The following AOPEP variants were observed in gnomAD, a reference collection of about 807,000 sequenced individuals.
AOPEP encodes aminopeptidase O (putative).
In AOPEP, 77 loss-of-function variants were observed where a neutral mutation model predicts 98.1. The ratio of observed to expected loss-of-function variants is 0.78; its 90% CI spans 0.65 to 0.95. The LOEUF (loss-of-function observed/expected upper bound fraction) is 0.95. Among genes scored for constraint, AOPEP ranks in the 40% least tolerant of loss-of-function variants. AOPEP has a pLI of 0.00. For missense variants in AOPEP, 1,024 were observed against 1,024.7 expected (o/e 1.00, Z 0.01); for synonymous variants, 346 against 365.3 (o/e 0.95, Z 0.60).
the AOPEP span, among the ~76,000 whole-genome samples, chr9:95,098,586 G>A: frequency 5.3e-5 from 8 of 152,140 alleles, no homozygotes; most frequent in Admixed American, 5.2e-4. Flanking sequence ...GGGTCCTGGG[G>A]GTGGCCACGG....
Position 94,731,249 on chromosome 9 carries a change from A to G in AOPEP, c.-136+4498A>G, listed in dbSNP as rs565117220. 3.4e-4 allele frequency among the ~76,000 whole-genome samples: 51 copies of G among 149,108 alleles called. 1 individual carries two copies. Among genetic ancestry groups the G allele is most frequent in the African/African-American group, 1.1e-3 (44 of 40,404 alleles). ...CCAACTTGTTTTTTTTTTTTTTGAG[A>G]CGGAGTCTCGCTCTGTCGCCCAGGC... On this transcript the variant is annotated intron_variant, in intron 1 of 16. Coordinates refer to ENST00000375315, the MANE Select transcript of AOPEP (RefSeq NM_001193329.3).
intron 5 of AOPEP, among the ~76,000 whole-genome samples, chr9:94,881,574 A>G (rs1050631605): frequency 2.6e-5 from 4 of 152,160 alleles, no homozygotes; most frequent in South Asian, 4.1e-4. Context: ...AGCTAAGGCC[A>G]CCAATTCAGT....
At chr9:94,823,994 G>C (rs1307745122) in intron 5 of AOPEP, among the ~76,000 whole-genome samples, 1 of 152,166 alleles carries the variant, frequency 6.6e-6, no homozygotes, top group Admixed American at 6.5e-5. Context: ...TTAAATGAGA[G>C]AAAGAAGGGA....
chr9:95,060,097 TTGTG>T (rs999638116), intron 13 of AOPEP, among the ~76,000 whole-genome samples: 3 of 152,354 alleles, frequency 2.0e-5, no homozygotes, highest in Non-Finnish European at 2.9e-5. Context: ...ATGGGTAACT[TTGTG>T]TGTCTGTGTG....
Position 94,901,908 on chromosome 9 carries a change from C to CA in AOPEP, c.1365-22069dup, listed in dbSNP as rs1046111786. ...TGGGTGACAGAGTGAGACTGTGTCT[C>CA]AAAAAAAAAGAAAAGAAAAGAAAAA... On this transcript the variant is annotated intron_variant, in intron 5 of 16. Transcript: ENST00000375315. Among the ~76,000 whole-genome samples, 20 of 148,370 alleles carry CA rather than the reference C, an allele frequency of 1.3e-4. No individual in the cohort carries two copies. In the East Asian group the frequency reaches 2.6e-3, roughly 19 times the overall value.
chr9:94,999,573 TTTATGGGGCTGTTTC>T (rs1483131466), intron 11 of AOPEP, among the ~76,000 whole-genome samples: 1 of 152,178 alleles, frequency 6.6e-6, no homozygotes, highest in East Asian at 1.9e-4. Context: ...TGTGATGGAT[TTTATGGGGCTGTTTC>T]TTATAATGCA....
At chr9:94,967,356 A>C (rs1419125938) in intron 9 of AOPEP, among the ~76,000 whole-genome samples, 5 of 152,128 alleles carry the variant, frequency 3.3e-5, no homozygotes, top group African/African-American at 7.2e-5. Context: ...GCAACGCAAG[A>C]GAGTTGCAGT....
At chr9:95,098,429 G>GCCAA in the AOPEP span, among the ~76,000 whole-genome samples, 1 of 152,214 alleles carries the variant, frequency 6.6e-6, no homozygotes, top group Non-Finnish European at 1.5e-5. Flanking sequence ...ACGAAACCCT[G>GCCAA]CCAACCATGG....
At chr9:94,736,073 A>G (rs1314720466) in intron 1 of AOPEP, among the ~76,000 whole-genome samples, 1 of 152,138 alleles carries the variant, frequency 6.6e-6, no homozygotes, top group Non-Finnish European at 1.5e-5. Flanking sequence ...TCATCAGTTG[A>G]TGGTCATTTG....
intron 7 of AOPEP, among the ~76,000 whole-genome samples, chr9:94,937,162 T>C (rs929608725): frequency 6.6e-6 from 1 of 152,204 alleles, no homozygotes; most frequent in Non-Finnish European, 1.5e-5. Flanking sequence ...CCTTGGTCTT[T>C]CCAGTGACCA....
intron 14 of AOPEP, among the ~76,000 whole-genome samples, chr9:95,075,729 A>T (rs7032676): frequency 0.013 from 1,941 of 150,988 alleles, 40 homozygotes; most frequent in African/African-American, 0.045. Flanking sequence ...AAAAGTAATT[A>T]AAAAAAAATT....
intron 2 of AOPEP, among the ~76,000 whole-genome samples, chr9:94,772,537 A>G (rs941348357): frequency 3.3e-5 from 5 of 152,292 alleles, no homozygotes; most frequent in Admixed American, 1.3e-4. Flanking sequence ...GATTGGGGGT[A>G]TCTGCCTGCC....
At chr9:95,060,636 G>T in intron 13 of AOPEP, 58 bp from the exon 14 acceptor site, 2 of 1,094,006 alleles carry the variant, frequency 1.8e-6, no homozygotes, top group Non-Finnish European at 2.8e-6. Context: ...TGAACATTTG[G>T]GTGTTGTTTC....
intron 9 of AOPEP, among the ~76,000 whole-genome samples, chr9:94,964,410 G>A (rs1393215764): frequency 2.0e-5 from 3 of 152,180 alleles, no homozygotes; most frequent in Non-Finnish European, 4.4e-5. Flanking sequence ...ATCCTGTACA[G>A]AAGGATCCAA....
intron 3 of AOPEP, among the ~76,000 whole-genome samples, chr9:94,778,142 A>G (rs1037015021): frequency 6.6e-6 from 1 of 152,204 alleles, no homozygotes; most frequent in Non-Finnish European, 1.5e-5. Flanking sequence ...AGGACAGAAA[A>G]TACCAAGTGT....
At chr9:95,123,927 A>G in the AOPEP span, 2 of 387,652 alleles carry the variant, frequency 5.2e-6, no homozygotes, top group South Asian at 2.1e-5. Context: ...TAAAATGGAA[A>G]TTGTACTTAA....
At chr9:94,986,528 C>T (rs767013806) in intron 11 of AOPEP, among the ~76,000 whole-genome samples, 8 of 152,164 alleles carry the variant, frequency 5.3e-5, no homozygotes, top group Non-Finnish European at 1.0e-4. Context: ...TTTTATTCCC[C>T]TATGGATGAA....
At chr9:94,752,000 C>G (rs987735152) in intron 1 of AOPEP, among the ~76,000 whole-genome samples, 19 of 151,114 alleles carry the variant, frequency 1.3e-4, no homozygotes, top group Non-Finnish European at 2.6e-4. Context: ...TCAAGCAATC[C>G]TCCCACCTCA....
rs77457001 is a variant in AOPEP at position 94,839,755 on chromosome 9, G to A, written c.1364+38753G>A. Among the ~76,000 whole-genome samples, 416 of 152,014 alleles carry A rather than the reference G, an allele frequency of 2.7e-3. 2 individuals carry two copies. Among genetic ancestry groups the A allele is most frequent in the African/African-American group, 9.7e-3 (401 of 41,460 alleles). ...GATGTGGACAGGAGTGGTAAGAGTG[G>A]ACATCTTTTTCTTCTTCCTGATCTT... On this transcript the variant is annotated intron_variant, in intron 5 of 16. Coordinates refer to ENST00000375315, the MANE Select transcript of AOPEP (RefSeq NM_001193329.3).
Sources: gnomAD v4.1 joint callset for allele counts (sites outside exome capture counted in the v4.1 genomes callset) on GRCh38, gnomAD v4.1.1 for gene constraint, MANE v1.5 for transcripts, NCBI Gene and HGNC (gene_info 2026-07-23, HGNC 2026-07-21) for gene names.